PPP2R2B: variants seen among roughly 807,000 people sequenced by gnomAD.
PPP2R2B encodes the protein serine/threonine-protein phosphatase 2A 55 kDa regulatory subunit B beta isoform.
Under a neutral mutation model 46.0 loss-of-function variants are expected in PPP2R2B, and 5 were observed. The ratio of observed to expected loss-of-function variants is 0.11; its 90% CI spans 0.06 to 0.23. PPP2R2B has a LOEUF of 0.23. Among genes scored for constraint, PPP2R2B ranks in the 10% least tolerant of loss-of-function variants. The pLI is 1.00. For missense variants in PPP2R2B, 367 were observed against 575.0 expected, an observed-to-expected ratio of 0.64 and a Z score of 3.70; for synonymous variants, 215 against 206.7, an observed-to-expected ratio of 1.04 and a Z score of -0.34.
rs1764201273 is a variant in PPP2R2B at position 146,937,748 on chromosome 5, A to C, written c.79+117917T>G. On this transcript the variant is annotated intron_variant, in intron 1 of 8. Coordinates refer to the PPP2R2B transcript ENST00000336640. ...AGGTCGCTCGGTACAGCTCTTGGTT[A>C]TCTGCAACAATAGAGGGAATGTGTG... 6.6e-5 allele frequency among the ~76,000 whole-genome samples: 10 copies of C among 152,168 alleles called. No homozygotes were observed. In the South Asian group the frequency reaches 2.1e-3, roughly 32 times the overall value.
intron 1 of PPP2R2B, chr5:147,055,611 G>T: frequency 6.7e-7 from 1 of 1,501,374 alleles, no homozygotes. Context: ...TGGGAAGTCA[G>T]ACACCAGCCC....
intron 2 of PPP2R2B, among the ~76,000 whole-genome samples, chr5:146,744,776 G>A (rs1393551751): frequency 3.9e-5 from 6 of 152,174 alleles, no homozygotes; most frequent in Non-Finnish European, 1.5e-5. Context: ...CTTAGAGCTT[G>A]CTTTTCCTTT....
chr5:146,746,411 A>G (rs1272519989), intron 2 of PPP2R2B, among the ~76,000 whole-genome samples: 1 of 152,118 alleles, frequency 6.6e-6, no homozygotes, highest in East Asian at 1.9e-4. Flanking sequence ...TGTAGCAATC[A>G]TTAGACAAAG....
intron 1 of PPP2R2B, among the ~76,000 whole-genome samples, chr5:146,897,624 T>C (rs1762688094): frequency 6.6e-6 from 1 of 151,992 alleles, no homozygotes; most frequent in African/African-American, 2.4e-5. Flanking sequence ...AAACCTACAC[T>C]GTGAGGGGAA....
At chr5:146,651,191 G>A (rs1398133957) in intron 5 of PPP2R2B, among the ~76,000 whole-genome samples, 2 of 151,890 alleles carry the variant, frequency 1.3e-5, no homozygotes, top group Non-Finnish European at 2.9e-5. Flanking sequence ...CCCCTTCCTG[G>A]CTTTGTCCTT....
intron 1 of PPP2R2B, among the ~76,000 whole-genome samples, chr5:147,049,456 TG>T (rs761475829): frequency 1.4e-4 from 21 of 152,174 alleles, no homozygotes; most frequent in Non-Finnish European, 2.4e-4. Flanking sequence ...GCTAGGAAGT[TG>T]GATGTACAAG....
chr5:147,029,998 A>G (rs1755706514), intron 1 of PPP2R2B, among the ~76,000 whole-genome samples: 1 of 152,194 alleles, frequency 6.6e-6, no homozygotes, highest in Admixed American at 6.5e-5. Flanking sequence ...TTACATTTCT[A>G]TATAAATTAA....
chr5:146,976,077 C>A (rs550783475), intron 1 of PPP2R2B, among the ~76,000 whole-genome samples: 14 of 149,970 alleles, frequency 9.3e-5, no homozygotes, highest in African/African-American at 3.4e-4. Flanking sequence ...CTCTCCTAAG[C>A]TTTTACCTAA....
intron 2 of PPP2R2B, among the ~76,000 whole-genome samples, chr5:146,861,213 G>A (rs548603618): frequency 1.3e-5 from 2 of 151,872 alleles, no homozygotes; most frequent in South Asian, 2.1e-4. Flanking sequence ...CCGCCACCAC[G>A]CCCGGCTAAT....
Position 147,081,069 on chromosome 5 carries a change from T to A in PPP2R2B, c.40A>T (p.Asn14Tyr), listed in dbSNP as rs751793515. 2.0e-5 allele frequency: 31 copies of A among 1,535,288 alleles called. 2 individuals carry two copies. In the South Asian group the frequency reaches 3.6e-4, roughly 18 times the overall value. The change falls in exon 2 of 11, where the codon AAC (asparagine) becomes TAC (tyrosine). Residue 14 changes from asparagine to tyrosine, a missense_variant. Physicochemically the swap from Asn to Tyr is moderately radical, Grantham distance 143 (BLOSUM62 -2). Transcript: ENST00000394413. The stretch of plus-strand genomic sequence containing the variant: ...GGGGATTTCTCCTACCTTCTGTGGT[T>A]CCAATCTCGATAGTGCCTTTCACTT...
At chr5:146,619,293 C>T (rs1198241322) in intron 7 of PPP2R2B, among the ~76,000 whole-genome samples, 7 of 147,628 alleles carry the variant, frequency 4.7e-5, no homozygotes, top group East Asian at 4.0e-4. Flanking sequence ...GGCAAAACCC[C>T]GTCTCTACTA....
At chr5:146,925,104 A>T (rs542056271) in intron 1 of PPP2R2B, among the ~76,000 whole-genome samples, 1 of 152,294 alleles carries the variant, frequency 6.6e-6, no homozygotes, top group East Asian at 1.9e-4. Context: ...AAATCTATAC[A>T]TGTTACAAAC....
chr5:147,047,399 A>G (rs897127042), intron 1 of PPP2R2B, among the ~76,000 whole-genome samples: 2 of 152,262 alleles, frequency 1.3e-5, no homozygotes, highest in Middle Eastern at 3.4e-3. Context: ...AAACTTCACT[A>G]CATACCCCAT....
chr5:146,877,250 G>A (rs1407345679), intron 2 of PPP2R2B, among the ~76,000 whole-genome samples: 1 of 152,154 alleles, frequency 6.6e-6, no homozygotes, highest in East Asian at 1.9e-4. Flanking sequence ...CAAGCTGGGA[G>A]AGAGGGAGAG....
At chr5:146,700,052 A>T (rs1299176063) in intron 3 of PPP2R2B, among the ~76,000 whole-genome samples, 1 of 152,208 alleles carries the variant, frequency 6.6e-6, no homozygotes, top group Non-Finnish European at 1.5e-5. Flanking sequence ...ATAGAAATTA[A>T]TTGCAAATAA....
intron 2 of PPP2R2B, among the ~76,000 whole-genome samples, chr5:146,735,690 C>T (rs1222485178): frequency 6.6e-6 from 1 of 152,086 alleles, no homozygotes; most frequent in African/African-American, 2.4e-5. Context: ...AGAGTCAACG[C>T]TGAGGGACAC....
chr5:146,627,843 G>A (rs191328107), intron 7 of PPP2R2B, among the ~76,000 whole-genome samples: 1 of 152,292 alleles, frequency 6.6e-6, no homozygotes, highest in African/African-American at 2.4e-5. Context: ...GGAGGACAAT[G>A]AAATTTCTGA....
intron 1 of PPP2R2B, among the ~76,000 whole-genome samples, chr5:146,944,154 A>G (rs1473861203): frequency 6.6e-6 from 1 of 152,174 alleles, no homozygotes; most frequent in East Asian, 1.9e-4. Flanking sequence ...GTAGTTCCAT[A>G]ATGGTCTCAT....
chr5:146,784,460 G>C, intron 2 of PPP2R2B, among the ~76,000 whole-genome samples: 1 of 151,932 alleles, frequency 6.6e-6, no homozygotes, highest in East Asian at 1.9e-4. Context: ...ACATTCCTTG[G>C]GATTATTAGA....
Sources: allele counts gnomAD v4.1 joint callset (sites outside exome capture counted in the v4.1 genomes callset), GRCh38; gene constraint gnomAD v4.1.1; transcripts MANE v1.5; gene names NCBI Gene and HGNC (gene_info 2026-07-23, HGNC 2026-07-21).